The following STX5 variants were observed in gnomAD, a reference collection of about 807,000 sequenced individuals.
STX5 encodes the protein syntaxin 5.
In STX5, 15 loss-of-function variants were observed where a neutral mutation model predicts 42.9. That is an observed-to-expected ratio of 0.35 (90% CI 0.23 to 0.54). STX5 has a LOEUF of 0.54. Among genes scored for constraint, STX5 ranks in the 20% least tolerant of loss-of-function variants. STX5 has a pLI of 0.91. For synonymous variants in STX5, 184 were observed against 173.2 expected (o/e 1.06, Z -0.49); for missense variants, 430 against 455.0 (o/e 0.95, Z 0.50).
At chr11:62,817,810 T>A (rs768020315) in intron 10 of STX5, among the ~76,000 whole-genome samples, 40 of 152,264 alleles carry the variant, frequency 2.6e-4, no homozygotes, top group Middle Eastern at 6.8e-3. Context: ...AACAGCAGAT[T>A]GACCTGAAAA....
intron 4 of STX5, 39 bp downstream of exon 4, chr11:62,827,304 T>C (rs758016240): frequency 3.2e-5 from 51 of 1,614,034 alleles, no homozygotes; most frequent in Non-Finnish European, 4.0e-5. Context: ...CCCTCTTTGA[T>C]TTACTGCCCC....
intron 10 of STX5, among the ~76,000 whole-genome samples, chr11:62,810,477 A>C (rs1387440329): frequency 6.6e-6 from 1 of 152,068 alleles, no homozygotes; most frequent in Non-Finnish European, 1.5e-5. Context: ...AAAACAAAAA[A>C]AGTTAGTGAC....
chr11:62,813,006 G>T (rs998895351), intron 10 of STX5, among the ~76,000 whole-genome samples: 4 of 151,498 alleles, frequency 2.6e-5, no homozygotes, highest in Admixed American at 2.0e-4. Flanking sequence ...CAGCTACTTG[G>T]GAGGCTGAGG....
In STX5 at chr11:62,824,633, G is replaced by C; in HGVS notation, c.680-68C>G. 2.7e-6 allele frequency: 4 copies of C among 1,476,722 alleles called. No homozygotes were observed. The South Asian group carries it at 3.4e-5, about 13-fold the overall frequency. 91.5% of individuals were successfully genotyped at this position (1,476,722 alleles called of 1,614,324 possible). A position where few individuals can be genotyped will look rare whatever the true frequency, so the allele number is the denominator to read the frequency against. On this transcript the variant is annotated intron_variant, in intron 8 of 10. Coordinates refer to ENST00000294179, the MANE Select transcript of STX5 (RefSeq NM_003164.5). ...GCAGGTTCAAAGCCCACATGCTCTG[G>C]GTTTGAATCCCAGCTCTAGCACTTA...
chr11:62,827,261 T>A (rs1422388903), intron 4 of STX5, 36 bp from the exon 5 acceptor site: 1 of 1,614,038 alleles, frequency 6.2e-7, no homozygotes, highest in Admixed American at 1.7e-5. Flanking sequence ...ATGGGTGAGG[T>A]CAAGGACAAA....
At position 62,811,438 on chromosome 11, in the gene STX5, G is replaced by A. The variant is rs528628917; in HGVS notation, c.909-3810C>T. Among the ~76,000 whole-genome samples the A allele has an allele frequency of 1.2e-4, 19 of 152,188 alleles. No homozygotes were observed. The South Asian group carries it at 3.3e-3, about 27-fold the overall frequency. On this transcript the variant is annotated intron_variant, in intron 10 of 10. Coordinates refer to ENST00000294179, the MANE Select transcript of STX5 (RefSeq NM_003164.5). ...GTGACACACAGGTTATCTGTGACCT[G>A]GCCTTGCCTCTCACCACTCCCCCAG... is the stretch of plus-strand genomic sequence containing the variant.
At chr11:62,808,801 C>T (rs1048571450) in intron 10 of STX5, among the ~76,000 whole-genome samples, 3 of 152,064 alleles carry the variant, frequency 2.0e-5, no homozygotes, top group South Asian at 4.1e-4. Flanking sequence ...AAGGGATAAC[C>T]TCATCAAGTG....
intron 6 of STX5, 23 bp downstream of exon 6, chr11:62,825,400 C>G: frequency 6.2e-6 from 10 of 1,614,146 alleles, no homozygotes; most frequent in Non-Finnish European, 7.6e-6. Context: ...CTTTGCCTCC[C>G]TCCCTTCCTC....
At chr11:62,818,948 G>A (rs151039247) in intron 10 of STX5, among the ~76,000 whole-genome samples, 2,194 of 152,028 alleles carry the variant, frequency 0.014, 51 homozygotes, top group African/African-American at 0.049. Context: ...GGCCGGGTGC[G>A]GTGGCTCGTG....
At chr11:62,811,285 A>C (rs1229371924) in intron 10 of STX5, among the ~76,000 whole-genome samples, 5 of 152,050 alleles carry the variant, frequency 3.3e-5, no homozygotes, top group Non-Finnish European at 7.4e-5. Flanking sequence ...AATGCCTACT[A>C]AACTCTGTCA....
intron 10 of STX5, among the ~76,000 whole-genome samples, chr11:62,814,178 T>C (rs893275182): frequency 2.6e-5 from 4 of 152,226 alleles, no homozygotes; most frequent in African/African-American, 9.6e-5. Context: ...TTAATTAATT[T>C]ACTTGAGATG....
chr11:62,814,096 T>C (rs1401858080), intron 10 of STX5, among the ~76,000 whole-genome samples: 1 of 152,132 alleles, frequency 6.6e-6, no homozygotes, highest in Non-Finnish European at 1.5e-5. Flanking sequence ...TTGCCCTAAC[T>C]AATAATAAGA....
chr11:62,831,175 T>G lies in STX5; in HGVS notation c.69A>C (p.Thr23=). ...DQGVYLGLSK[T]QVLSPATAGS... The stretch of plus-strand genomic sequence containing the variant: ...CAGCAGTTGCAGGGGACAGGACCTG[T>G]GTCTTTGAGAGACCCAGGTAGACAC... Residue 23 remains threonine, a synonymous_variant, in exon 2 of 11, where the codon ACA becomes ACC. Transcript: ENST00000294179. The G allele has an allele frequency of 3.8e-6, 6 of 1,564,610 alleles. No individual in the cohort carries two copies. Among genetic ancestry groups the G allele is most frequent in the East Asian group, 2.3e-5 (1 of 43,164 alleles).
At chr11:62,810,693 G>T (rs1340694139) in intron 10 of STX5, among the ~76,000 whole-genome samples, 1 of 152,196 alleles carries the variant, frequency 6.6e-6, no homozygotes, top group Non-Finnish European at 1.5e-5. Flanking sequence ...TGGGGCCCAA[G>T]AATCTGCATC....
At chr11:62,813,716 T>A (rs953721608) in intron 10 of STX5, among the ~76,000 whole-genome samples, 3 of 152,096 alleles carry the variant, frequency 2.0e-5, no homozygotes, top group African/African-American at 7.2e-5. Context: ...CAGGAGTGGA[T>A]TCCTAAAACC....
At chr11:62,809,673 C>CAAAAAAAAAAAAAAA (rs749188946) in intron 10 of STX5, among the ~76,000 whole-genome samples, 1 of 19,188 alleles carries the variant, frequency 5.2e-5, no homozygotes, top group Non-Finnish European at 1.1e-4. Context: ...GACTCTGTCT[C>CAAAAAAAAAAAAAAA]AAAAAAAAAA....
chr11:62,827,521 G>A, intron 3 of STX5, 40 bp downstream of exon 3: 1 of 1,613,874 alleles, frequency 6.2e-7, no homozygotes, highest in Non-Finnish European at 8.5e-7. Context: ...CTTTTCTTCA[G>A]ACACTGTATC....
intron 10 of STX5, among the ~76,000 whole-genome samples, chr11:62,811,657 C>T (rs2084618117): frequency 6.7e-6 from 1 of 150,280 alleles, no homozygotes; most frequent in African/African-American, 2.5e-5. Context: ...TTCTCTCATC[C>T]CTTTTTTTTT....
Position 62,827,387 on chromosome 11 carries a change from T to C in STX5, c.308A>G (p.Lys103Arg). The C allele has an allele frequency of 6.2e-7, 1 of 1,614,164 alleles. No individual in the cohort carries two copies. The highest frequency in any genetic ancestry group is 8.5e-7 in the Non-Finnish European group (1 of 1,180,014). The change falls in exon 4 of 11, where the codon AAA (lysine) becomes AGA (arginine). Residue 103 changes from lysine (K) to arginine (R), a missense_variant. Coordinates refer to ENST00000294179, the MANE Select transcript of STX5 (RefSeq NM_003164.5). ...CTTGGCAAATGTGTTGCTAAGGTCT[T>C]TCCCAATGCGCCTGCAAATGACCAC... ...EFTLMAKRIG[K>R]DLSNTFAKLE...
Sources: allele counts gnomAD v4.1 joint callset (sites outside exome capture counted in the v4.1 genomes callset), GRCh38; gene constraint gnomAD v4.1.1; transcripts MANE v1.5; gene names NCBI Gene and HGNC (gene_info 2026-07-23, HGNC 2026-07-21).